The following CALN1 variants were observed in gnomAD, a reference collection of about 807,000 sequenced individuals.
CALN1 encodes calneuron 1, also known as calcium-binding protein 8.
Under a neutral mutation model 30.6 loss-of-function variants are expected in CALN1, and 17 were observed. The observed-to-expected ratio is 0.56, with a 90% CI of 0.38 to 0.83. CALN1 has a LOEUF of 0.83. CALN1 is among the 40% of genes least tolerant of loss of function. The pLI is 0.00. For missense variants in CALN1, 291 were observed against 354.9 expected, an observed-to-expected ratio of 0.82 and a Z score of 1.45; for synonymous variants, 156 against 131.4, an observed-to-expected ratio of 1.19 and a Z score of -1.28.
intron 6 of CALN1, among the ~76,000 whole-genome samples, chr7:71,796,100 C>T (rs927108015): frequency 1.3e-5 from 2 of 151,930 alleles, no homozygotes; most frequent in African/African-American, 2.4e-5. Context: ...GCTGGGATTA[C>T]AGGCATGAGC....
intron 5 of CALN1, among the ~76,000 whole-genome samples, chr7:71,861,856 T>G (rs181178466): frequency 7.1e-4 from 108 of 151,990 alleles, no homozygotes; most frequent in African/African-American, 2.5e-3. Context: ...TTAAGGACTT[T>G]ACTTTAGCCT....
Position 71,965,024 on chromosome 7 carries a change from TA to T in CALN1, c.501+58632del, listed in dbSNP as rs540719426. Among the ~76,000 whole-genome samples, 263 of 152,276 alleles carry T rather than the reference TA, an allele frequency of 1.7e-3. 1 individual carries two copies. Among genetic ancestry groups the T allele is most frequent in the Non-Finnish European group, 2.3e-3 (157 of 68,032 alleles). On this transcript the variant is annotated intron_variant, in intron 5 of 6. Coordinates refer to ENST00000395275, the MANE Select transcript of CALN1 (RefSeq NM_031468.4). The stretch of plus-strand genomic sequence containing the variant: ...TAAGAATGTTTTCTGGCTCACGTTT[TA>T]TTTTTAACTTTTTAATTTTGGAGAC...
At chr7:72,237,643 T>G (rs1198982197) in intron 3 of CALN1, among the ~76,000 whole-genome samples, 1 of 152,202 alleles carries the variant, frequency 6.6e-6, no homozygotes, top group Non-Finnish European at 1.5e-5. Flanking sequence ...GGCTGAGTTC[T>G]GGGAGGGCTG....
intron 5 of CALN1, chr7:71,913,997 G>A (rs1306238842): frequency 6.6e-6 from 1 of 152,204 alleles, no homozygotes; most frequent in Non-Finnish European, 1.5e-5. Context: ...AAGTTTATGA[G>A]CTAGTAAGCA....
intron 2 of CALN1, among the ~76,000 whole-genome samples, chr7:72,297,380 C>T (rs1798938004): frequency 6.6e-6 from 1 of 151,968 alleles, no homozygotes; most frequent in Non-Finnish European, 1.5e-5. Flanking sequence ...TTCTCCAGAA[C>T]AAAACCAATA....
the CALN1 span, among the ~76,000 whole-genome samples, chr7:72,490,299 A>C: frequency 6.6e-6 from 1 of 152,322 alleles, no homozygotes. Context: ...AAATAAAACA[A>C]AATAAACAAA....
In CALN1 at chr7:72,269,227, C is replaced by T. The variant is rs570563430; in HGVS notation, c.244+9459G>A. ...TGAGATTTTATTTTATTTTATTATACTTTAAGTTTTAGGGTACATGTGCAC... is the reference window on the plus strand; with the variant it reads ...TGAGATTTTATTTTATTTTATTATATTTTAAGTTTTAGGGTACATGTGCAC... On this transcript the variant is annotated intron_variant, in intron 3 of 6. Transcript: ENST00000395275. Among the ~76,000 whole-genome samples, 15 of 152,178 alleles carry T rather than the reference C, an allele frequency of 9.9e-5. No homozygotes were observed. In the East Asian group the frequency reaches 1.2e-3, roughly 12 times the overall value.
intron 3 of CALN1, among the ~76,000 whole-genome samples, chr7:72,215,404 G>A (rs1792718848): frequency 6.6e-6 from 1 of 152,032 alleles, no homozygotes; most frequent in African/African-American, 2.4e-5. Flanking sequence ...GACCAGCCTG[G>A]TCAACATGGT....
intron 3 of CALN1, among the ~76,000 whole-genome samples, chr7:72,260,875 A>G (rs1457818125): frequency 6.6e-6 from 1 of 152,192 alleles, no homozygotes; most frequent in Middle Eastern, 3.2e-3. Context: ...ATGATCTATC[A>G]TCCCTACGGT....
Position 71,799,614 on chromosome 7 carries a change from C to T in CALN1, c.658+10722G>A, listed in dbSNP as rs550407038. Among the ~76,000 whole-genome samples the T allele has an allele frequency of 4.6e-5, 7 of 151,930 alleles. No homozygotes were observed. The South Asian group carries it at 8.3e-4, about 18-fold the overall frequency. On this transcript the variant is annotated intron_variant, in intron 6 of 6. Coordinates refer to ENST00000395275, the MANE Select transcript of CALN1 (RefSeq NM_031468.4). Reference sequence around the variant, plus strand: ...CCTAGTAGCTGCGATTACAGGTGCCCGCCACCATACCCAGCTAATTTTTAT... The same window carrying T: ...CCTAGTAGCTGCGATTACAGGTGCCTGCCACCATACCCAGCTAATTTTTAT...
chr7:72,036,639 T>C (rs1801813400), intron 4 of CALN1, among the ~76,000 whole-genome samples: 1 of 152,216 alleles, frequency 6.6e-6, no homozygotes, highest in Non-Finnish European at 1.5e-5. Flanking sequence ...ATTTCCATTA[T>C]TATACTTTTT....
chr7:71,945,632 G>T (rs10236501), intron 5 of CALN1, among the ~76,000 whole-genome samples: 52,480 of 151,714 alleles, frequency 0.35, 9,454 homozygotes, highest in African/African-American at 0.44. Flanking sequence ...CACACGCGAG[G>T]GATCTAGATT....
chr7:72,206,283 A>G (rs1347855160), intron 3 of CALN1, among the ~76,000 whole-genome samples: 1 of 152,218 alleles, frequency 6.6e-6, no homozygotes, highest in Non-Finnish European at 1.5e-5. Flanking sequence ...GAAAATATAA[A>G]TGGTCCCTCT....
intron 5 of CALN1, among the ~76,000 whole-genome samples, chr7:71,830,750 T>C (rs917504608): frequency 8.5e-5 from 13 of 152,214 alleles, no homozygotes; most frequent in African/African-American, 3.1e-4. Context: ...TGAAAGTTAC[T>C]AAACTTCTCT....
At chr7:72,240,460 G>C (rs1307441052) in intron 3 of CALN1, among the ~76,000 whole-genome samples, 2 of 152,176 alleles carry the variant, frequency 1.3e-5, no homozygotes, top group Non-Finnish European at 2.9e-5. Flanking sequence ...CTCCCAAAGC[G>C]CTGGTGTTAC....
chr7:72,181,495 T>C (rs1234893325), intron 3 of CALN1, among the ~76,000 whole-genome samples: 1 of 3,064 alleles, frequency 3.3e-4, no homozygotes. Flanking sequence ...ACTTTTTTTT[T>C]TTTTTGAGAG....
intron 3 of CALN1, among the ~76,000 whole-genome samples, chr7:72,225,806 G>C (rs1793631481): frequency 6.6e-6 from 1 of 152,084 alleles, no homozygotes; most frequent in South Asian, 2.1e-4. Context: ...AAGGCAAAAG[G>C]GTGCAGGGAA....
At chr7:72,477,610 C>T in the CALN1 span, among the ~76,000 whole-genome samples, 2 of 152,046 alleles carry the variant, frequency 1.3e-5, no homozygotes, top group South Asian at 2.1e-4. Flanking sequence ...TTTGTAGAAA[C>T]GGGGTCTTGC....
intron 3 of CALN1, among the ~76,000 whole-genome samples, chr7:72,164,225 G>A (rs1041483305): frequency 6.6e-5 from 10 of 151,680 alleles, no homozygotes; most frequent in Admixed American, 2.6e-4. Flanking sequence ...AAAATTAGCC[G>A]GGCATGGTGG....
Sources: gnomAD v4.1 joint callset for allele counts (sites outside exome capture counted in the v4.1 genomes callset) on GRCh38, gnomAD v4.1.1 for gene constraint, MANE v1.5 for transcripts, NCBI Gene and HGNC (gene_info 2026-07-23, HGNC 2026-07-21) for gene names.